The following PHYHD1 variants were observed in gnomAD, a reference collection of about 807,000 sequenced individuals.
The protein encoded by PHYHD1 is phytanoyl-CoA dioxygenase domain-containing protein 1.
Under a neutral mutation model 43.6 loss-of-function variants are expected in PHYHD1, and 42 were observed. The observed-to-expected ratio is 0.96, with a 90% CI of 0.75 to 1.25. The LOEUF is 1.25. Ranked by LOEUF, PHYHD1 falls within the 50% of genes most tolerant of loss-of-function variation. The probability of loss-of-function intolerance (pLI) is 0.00; values close to 1 mark genes in which losing one functional copy is unlikely to be tolerated. For synonymous variants in PHYHD1, 139 were observed against 143.6 expected, an observed-to-expected ratio of 0.97 and a Z score of 0.23; for missense variants, 342 against 370.8, an observed-to-expected ratio of 0.92 and a Z score of 0.64.
Position 128,940,690 on chromosome 9 carries a change from CTT to C in PHYHD1, c.680_681del (p.Phe227CysfsTer27). The part of the protein sequence containing the change: ...GSEPARDNSL[F>X]VPTPVQRGAL... ...CAGAGCCAGCCCGGGATAACAGCCT[CTT>C]TGTGCCCACCCCAGTGCAGAGAGGT... On this transcript the variant is annotated frameshift_variant, in exon 11 of 13. Transcript: ENST00000372592. LOFTEE classifies it high-confidence loss of function. 1 of 1,613,750 alleles carries C rather than the reference CTT, an allele frequency of 6.2e-7. No homozygotes were observed.
At chr9:128,937,728 C>A in intron 8 of PHYHD1, 29 bp from the exon 9 acceptor site, 2 of 1,613,696 alleles carry the variant, frequency 1.2e-6, no homozygotes, top group Non-Finnish European at 1.7e-6. Context: ...TCTCTTCTGT[C>A]CTCACCAGGC....
chr9:128,941,026 T>C (rs1159527811), intron 11 of PHYHD1, among the ~76,000 whole-genome samples: 3 of 152,190 alleles, frequency 2.0e-5, no homozygotes, highest in Admixed American at 6.5e-5. Context: ...TATGTTGATA[T>C]AGAGTCTGCC....
Position 128,933,869 on chromosome 9 carries a change from G to A in PHYHD1, c.268+12G>A. The A allele has an allele frequency of 6.2e-7, 1 of 1,613,256 alleles. No individual in the cohort carries two copies. Among genetic ancestry groups the A allele is most frequent in the Non-Finnish European group, 8.5e-7 (1 of 1,179,234 alleles). Reference sequence around the variant, plus strand: ...TTTTGATGAGAAAGGTTTGGAGCTGGGGCCCTAGAGCTGGGGAGGAGCCAT... The same window carrying A: ...TTTTGATGAGAAAGGTTTGGAGCTGAGGCCCTAGAGCTGGGGAGGAGCCAT... On this transcript the variant is annotated intron_variant, in intron 5 of 12. Transcript: ENST00000372592.
chr9:128,926,158 T>C (rs1841127914), intron 3 of PHYHD1, among the ~76,000 whole-genome samples: 1 of 152,204 alleles, frequency 6.6e-6, no homozygotes, highest in African/African-American at 2.4e-5. Flanking sequence ...GCTGAATACA[T>C]GAATAAGGTT....
At chr9:128,940,561 G>C (rs755574202) in intron 10 of PHYHD1, 38 bp from the exon 11 acceptor site, 1 of 1,613,918 alleles carries the variant, frequency 6.2e-7, no homozygotes, top group African/African-American at 1.3e-5. Context: ...GGGACCTTGA[G>C]AAAGGAGGAG....
At chr9:128,931,958 C>T (rs1841290810) in intron 4 of PHYHD1, among the ~76,000 whole-genome samples, 1 of 151,730 alleles carries the variant, frequency 6.6e-6, no homozygotes, top group African/African-American at 2.4e-5. Context: ...TCTCAGCCTC[C>T]CAAGTAGCTG....
intron 11 of PHYHD1, among the ~76,000 whole-genome samples, chr9:128,940,987 G>A (rs1370202875): frequency 6.6e-6 from 1 of 152,204 alleles, no homozygotes; most frequent in South Asian, 2.1e-4. Context: ...TTCCCCAAAC[G>A]TAAAGTGGAA....
chr9:128,938,681 C>T (rs1841486104), intron 9 of PHYHD1, among the ~76,000 whole-genome samples: 2 of 138,530 alleles, frequency 1.4e-5, no homozygotes, highest in Non-Finnish European at 3.3e-5. Context: ...CCTCAGCCTC[C>T]CAAAGTGCTG....
At chr9:128,929,204 G>T (rs1459318809) in intron 4 of PHYHD1, among the ~76,000 whole-genome samples, 1 of 151,982 alleles carries the variant, frequency 6.6e-6, no homozygotes, top group Non-Finnish European at 1.5e-5. Context: ...GGTGGTATAT[G>T]CCTGTGGTCC....
At chr9:128,934,507 G>A (rs182754510) in intron 6 of PHYHD1, among the ~76,000 whole-genome samples, 26 of 152,160 alleles carry the variant, frequency 1.7e-4, no homozygotes, top group African/African-American at 4.8e-4. Flanking sequence ...GGTCGTTCAC[G>A]TCTGTAATCC....
chr9:128,940,407 C>A lies in PHYHD1; in HGVS notation c.496C>A (p.Pro166Thr). 3 of 1,614,192 alleles carry A rather than the reference C, an allele frequency of 1.9e-6. No individual in the cohort carries two copies. Among genetic ancestry groups the A allele is most frequent in the Non-Finnish European group, 2.5e-6 (3 of 1,180,034 alleles). ...HQDASFLYTE[P>T]LGRVLGVWIA... ...GGACGCCTCCTTCCTGTACACGGAG[C>A]CCCTGGGCCGGGTGCTGGGCGTGTG... Residue 166 changes from proline to threonine, a missense_variant, in exon 10 of 13, where the codon CCC becomes ACC. Coordinates refer to ENST00000372592, the MANE Select transcript of PHYHD1 (RefSeq NM_001100876.2).
At chr9:128,924,079 A>G (rs1841072527) in intron 3 of PHYHD1, among the ~76,000 whole-genome samples, 1 of 152,004 alleles carries the variant, frequency 6.6e-6, no homozygotes, top group Non-Finnish European at 1.5e-5. Context: ...AGATCATGCC[A>G]CTGCACTCCA....
chr9:128,937,935 T>C (rs902262208), intron 9 of PHYHD1, 157 bp downstream of exon 9: 15 of 1,521,004 alleles, frequency 9.9e-6, no homozygotes, highest in Non-Finnish European at 1.2e-5. Context: ...CTTCCCCTGA[T>C]AGTGGATTGG....
rs890555638 is a variant in PHYHD1, at chr9:128,922,356, G to T, written c.33G>T (p.Lys11Asn). Reference sequence around the variant, plus strand: ...GCCTGAGCCCCTCGCAGCTCCAGAAGGTAGGAGCCTGCAAGTCGGGGCCGG... The same window carrying T: ...GCCTGAGCCCCTCGCAGCTCCAGAATGTAGGAGCCTGCAAGTCGGGGCCGG... MACLSPSQLQKFQQDGFLVLE... is the reference protein window; with the variant it reads MACLSPSQLQNFQQDGFLVLE... The change falls in exon 3 of 13, where the codon AAG (lysine) becomes AAT (asparagine). Residue 11 changes from lysine to asparagine, a missense_variant and splice_region_variant. Coordinates refer to ENST00000372592, the MANE Select transcript of PHYHD1 (RefSeq NM_001100876.2). 6.5e-7 allele frequency: 1 copy of T among 1,549,254 alleles called. No individual in the cohort carries two copies. The highest frequency in any genetic ancestry group is 1.4e-5 in the African/African-American group (1 of 72,994).
intron 4 of PHYHD1, 167 bp from the exon 5 acceptor site, chr9:128,933,615 T>A (rs898464224): frequency 6.7e-6 from 5 of 749,736 alleles, no homozygotes; most frequent in African/African-American, 1.7e-5. Context: ...TTCCAGGCAC[T>A]TGAAGTTCTG....
chr9:128,930,531 A>G (rs1156766590), intron 4 of PHYHD1, among the ~76,000 whole-genome samples: 2 of 149,482 alleles, frequency 1.3e-5, no homozygotes, highest in African/African-American at 5.0e-5. Context: ...AGATCACCTG[A>G]GGTCAGGAGT....
chr9:128,938,321 C>CA (rs958237275), intron 9 of PHYHD1, among the ~76,000 whole-genome samples: 2 of 151,248 alleles, frequency 1.3e-5, no homozygotes, highest in East Asian at 3.9e-4. Flanking sequence ...ACCAAACAAA[C>CA]AAAAAAACCA....
intron 6 of PHYHD1, among the ~76,000 whole-genome samples, chr9:128,934,719 T>G (rs1330180661): frequency 6.7e-6 from 1 of 149,788 alleles, no homozygotes; most frequent in South Asian, 2.1e-4. Context: ...AGTGAGCCGA[T>G]ATCATGCCAT....
intron 8 of PHYHD1, 59 bp downstream of exon 8, chr9:128,936,704 C>A: frequency 6.6e-7 from 1 of 1,511,940 alleles, no homozygotes. Flanking sequence ...CTGCTCATAC[C>A]AAGCCCTTCC....
Sources: gnomAD v4.1 joint callset for allele counts (sites outside exome capture counted in the v4.1 genomes callset) on GRCh38, gnomAD v4.1.1 for gene constraint, MANE v1.5 for transcripts, NCBI Gene and HGNC (gene_info 2026-07-23, HGNC 2026-07-21) for gene names.